The following AKR1C2 variants were observed in gnomAD, a reference collection of about 807,000 sequenced individuals.
AKR1C2 encodes the protein aldo-keto reductase family 1 member C2, also known as 3-alpha-HSD3.
Under a neutral mutation model 39.8 loss-of-function variants are expected in AKR1C2, and 27 were observed. The ratio of observed to expected loss-of-function variants is 0.68; its 90% confidence interval spans 0.50 to 0.93. The LOEUF (loss-of-function observed/expected upper bound fraction) is 0.93, where lower values mean the gene tolerates loss of function less well. AKR1C2 is among the 40% of genes least tolerant of loss of function. AKR1C2 has a pLI of 0.00. For synonymous variants in AKR1C2, 114 were observed against 137.9 expected (o/e 0.83, Z 1.22); for missense variants, 263 against 365.1 (o/e 0.72, Z 2.28).
At chr10:5,009,226 C>G (rs1837469269) in intron 1 of AKR1C2, among the ~76,000 whole-genome samples, 1 of 152,186 alleles carries the variant, frequency 6.6e-6, no homozygotes, top group Non-Finnish European at 1.5e-5. Flanking sequence ...TTCCACCTTG[C>G]TCAGTTTTTT....
At chr10:5,000,787 TTC>T in intron 2 of AKR1C2, 121 bp from the exon 3 acceptor site, 1 of 789,260 alleles carries the variant, frequency 1.3e-6, no homozygotes, top group Non-Finnish European at 2.1e-6. Flanking sequence ...GGCAAAATTA[TTC>T]TCTCTCTTCT....
At chr10:5,002,124 A>C (rs1212290720) in intron 1 of AKR1C2, among the ~76,000 whole-genome samples, 1 of 152,238 alleles carries the variant, frequency 6.6e-6, no homozygotes, top group African/African-American at 2.4e-5. Context: ...TTTATCCAGC[A>C]TCATATTTTG....
At chr10:5,011,381 T>C (rs1554774908) in intron 1 of AKR1C2, among the ~76,000 whole-genome samples, 6 of 152,234 alleles carry the variant, frequency 3.9e-5, no homozygotes, top group African/African-American at 1.4e-4. Context: ...ACCTCACCAC[T>C]GTGCAATGTA....
chr10:4,993,453 G>C (rs1480470788), intron 7 of AKR1C2, among the ~76,000 whole-genome samples: 2 of 151,986 alleles, frequency 1.3e-5, no homozygotes, highest in Admixed American at 6.5e-5. Context: ...CGCATATTTG[G>C]ATCCTTATTT....
rs1466910174 is a variant in AKR1C2, at chr10:4,989,773, T to C, written c.*223A>G. On this transcript the variant is annotated 3_prime_UTR_variant, in exon 9 of 9. Coordinates refer to ENST00000380753, the MANE Select transcript of AKR1C2 (RefSeq NM_001393392.1). ...AACATAGAAGTTATGGAGACCAAAG[T>C]AGGTGAAGAATCTTTAGGAGAGAGC... 6.5e-6 allele frequency: 4 copies of C among 617,650 alleles called. No homozygotes were observed. Among genetic ancestry groups the C allele is most frequent in the East Asian group, 3.2e-5 (1 of 31,526 alleles). The allele number at this position is 617,650 out of a possible 1,614,324, so 38.3% of individuals were successfully genotyped here.
At chr10:4,998,463 A>C (rs1330833218) in intron 5 of AKR1C2, among the ~76,000 whole-genome samples, 162 bp downstream of exon 5, 2 of 152,216 alleles carry the variant, frequency 1.3e-5, no homozygotes, top group African/African-American at 2.4e-5. Context: ...TTTTCTAAGC[A>C]GGGTACAAGT....
chr10:5,014,299 T>C (rs1837587871), intron 1 of AKR1C2, among the ~76,000 whole-genome samples: 1 of 152,108 alleles, frequency 6.6e-6, no homozygotes, highest in Non-Finnish European at 1.5e-5. Flanking sequence ...AAAACCTCTC[T>C]CCTATTGTCC....
chr10:4,989,837 T>G lies in AKR1C2; in HGVS notation c.*159A>C, dbSNP rs1836772492. The G allele has an allele frequency of 1.8e-6, 2 of 1,101,534 alleles. No homozygotes were observed. Among genetic ancestry groups the G allele is most frequent in the Non-Finnish European group, 2.6e-6 (2 of 773,360 alleles). The allele number at this position is 1,101,534 out of a possible 1,614,324, so 68.2% of individuals were successfully genotyped here. A position where few individuals can be genotyped will look rare whatever the true frequency, so the allele number is the denominator to read the frequency against. On this transcript the variant is annotated 3_prime_UTR_variant, in exon 9 of 9. Transcript: ENST00000380753. ...AAAATGAAAAACAAAATTATTGTCT[T>G]TCTTTTCCGGCCGATGGGCTTAGCT...
intron 5 of AKR1C2, 40 bp downstream of exon 5, chr10:4,998,585 G>T: frequency 5.0e-6 from 8 of 1,610,986 alleles, no homozygotes; most frequent in South Asian, 2.2e-5. Flanking sequence ...AGAAAGAGGG[G>T]CATGAAGAAC....
intron 1 of AKR1C2, among the ~76,000 whole-genome samples, chr10:5,016,907 T>C (rs1477786911): frequency 1.3e-5 from 2 of 152,212 alleles, no homozygotes; most frequent in Non-Finnish European, 2.9e-5. Flanking sequence ...TAAAACTACA[T>C]GGAAGTCACC....
intron 2 of AKR1C2, 110 bp downstream of exon 2, chr10:5,001,404 G>T: frequency 6.6e-7 from 1 of 1,511,612 alleles, no homozygotes; most frequent in East Asian, 2.3e-5. Context: ...TGAATAAATC[G>T]AAATAAATAA....
chr10:4,998,315 G>C (rs1168486165), intron 5 of AKR1C2, among the ~76,000 whole-genome samples: 2 of 152,044 alleles, frequency 1.3e-5, no homozygotes, highest in Non-Finnish European at 2.9e-5. Flanking sequence ...TCCACTCTCT[G>C]GTCATCTTTC....
chr10:4,989,945 C>T lies in AKR1C2; in HGVS notation c.*51G>A. 6.8e-7 allele frequency: 1 copy of T among 1,467,356 alleles called. No individual in the cohort carries two copies. Among genetic ancestry groups the T allele is most frequent in the African/African-American group, 1.4e-5 (1 of 71,744 alleles). 90.9% of individuals were successfully genotyped at this position (1,467,356 alleles called of 1,614,324 possible). A position where few individuals can be genotyped will look rare whatever the true frequency, so the allele number is the denominator to read the frequency against. ...ACCAGCATAGAGCCATCCTCTGTGTCACCATCCACACGCAGGGCCTTCTGG... is the reference window on the plus strand; with the variant it reads ...ACCAGCATAGAGCCATCCTCTGTGTTACCATCCACACGCAGGGCCTTCTGG... On this transcript the variant is annotated 3_prime_UTR_variant, in exon 9 of 9. Coordinates refer to ENST00000380753, the MANE Select transcript of AKR1C2 (RefSeq NM_001393392.1).
intron 1 of AKR1C2, chr10:5,014,884 T>C (rs1291701225): frequency 6.6e-6 from 1 of 152,246 alleles, no homozygotes; most frequent in East Asian, 1.9e-4. Flanking sequence ...GGAATCAGTT[T>C]AGATATTGGT....
In AKR1C2 at chr10:4,989,871, C is replaced by G; in HGVS notation, c.*125G>C. ...GGCCGATGGGCTTAGCTGTAGCTTA[C>G]TGAAGTCGCCAAGCAGGAGAGATTT... On this transcript the variant is annotated 3_prime_UTR_variant, in exon 9 of 9. Coordinates refer to ENST00000380753, the MANE Select transcript of AKR1C2 (RefSeq NM_001393392.1). 6 of 1,420,010 alleles carry G rather than the reference C, an allele frequency of 4.2e-6. No individual in the cohort carries two copies. Among genetic ancestry groups the G allele is most frequent in the Non-Finnish European group, 5.8e-6 (6 of 1,036,084 alleles). The allele number at this position is 1,420,010 out of a possible 1,614,324, so 88.0% of individuals were successfully genotyped here.
chr10:4,997,701 A>AATGCT (rs1365700540), intron 5 of AKR1C2, among the ~76,000 whole-genome samples: 1 of 152,196 alleles, frequency 6.6e-6, no homozygotes, highest in Non-Finnish European at 1.5e-5. Flanking sequence ...TTAATTTCTC[A>AATGCT]ATGCTTTTAT....
upstream of AKR1C2, among the ~76,000 whole-genome samples, chr10:5,004,520 C>A (rs188232630): frequency 1.8e-3 from 268 of 152,248 alleles, 2 homozygotes; most frequent in African/African-American, 6.3e-3. Flanking sequence ...TTATTAACAG[C>A]TTTTGGTCTT....
At chr10:5,010,391 G>A (rs1187030476) in intron 1 of AKR1C2, 6 of 150,320 alleles carry the variant, frequency 4.0e-5, no homozygotes, top group South Asian at 2.1e-4. Flanking sequence ...GTAAGCTCTC[G>A]GGGTCGCCCA....
upstream of AKR1C2, among the ~76,000 whole-genome samples, chr10:5,005,478 G>A (rs1837382879): frequency 6.6e-6 from 1 of 151,854 alleles, no homozygotes; most frequent in Admixed American, 6.6e-5. Flanking sequence ...GTTAGGAGAT[G>A]GAAACCATCC....
Sources: gnomAD v4.1 joint callset for allele counts (sites outside exome capture counted in the v4.1 genomes callset) on GRCh38, gnomAD v4.1.1 for gene constraint, MANE v1.5 for transcripts, NCBI Gene and HGNC (gene_info 2026-07-23, HGNC 2026-07-21) for gene names.